ANO4: variants seen among roughly 807,000 people sequenced by gnomAD.
ANO4 encodes anoctamin 4, also known as anoctamin-4.
In ANO4, 69 loss-of-function variants were observed where a neutral mutation model predicts 141.9. The ratio of observed to expected loss-of-function variants is 0.49; its 90% CI spans 0.40 to 0.59. The LOEUF (loss-of-function observed/expected upper bound fraction) is 0.59, where lower values mean the gene tolerates loss of function less well. Among genes scored for constraint, ANO4 ranks in the 20% least tolerant of loss-of-function variants. ANO4 has a pLI of 0.00. For synonymous variants in ANO4, 350 were observed against 394.3 expected (o/e 0.89, Z 1.33); for missense variants, 894 against 1,162.2 (o/e 0.77, Z 3.36).
chr12:101,040,062 T>C lies in ANO4; in HGVS notation c.1005T>C (p.Pro335=), dbSNP rs1475313011. The change falls in exon 11 of 28, where the codon CCT becomes CCC. Residue 335 remains proline (P), a synonymous_variant. Transcript: ENST00000392977. ...ASWGVWYKYQ[P]LDLVRRYFGE... ...GGGGCGTGTGGTATAAATACCAACCTTTGGATCTTGTAAGGTGAGTTTTTA... is the reference window on the plus strand; with the variant it reads ...GGGGCGTGTGGTATAAATACCAACCCTTGGATCTTGTAAGGTGAGTTTTTA... 6.2e-7 allele frequency: 1 copy of C among 1,607,910 alleles called. No individual in the cohort carries two copies. Among genetic ancestry groups the C allele is most frequent in the Non-Finnish European group, 8.5e-7 (1 of 1,175,894 alleles).
chr12:100,725,824 AC>A (rs2031091431), intron 1 of ANO4, among the ~76,000 whole-genome samples: 2 of 152,210 alleles, frequency 1.3e-5, no homozygotes, highest in East Asian at 3.9e-4. Flanking sequence ...AATGCTACTT[AC>A]TTCTTGGGCT....
chr12:100,723,089 A>G (rs1277719170), intron 1 of ANO4, among the ~76,000 whole-genome samples: 3 of 152,218 alleles, frequency 2.0e-5, no homozygotes, highest in Non-Finnish European at 2.9e-5. Flanking sequence ...GCAGCAAAGC[A>G]TGTACAGATT....
At chr12:100,904,330 T>C (rs1273263393) in intron 2 of ANO4, among the ~76,000 whole-genome samples, 1 of 152,198 alleles carries the variant, frequency 6.6e-6, no homozygotes, top group Non-Finnish European at 1.5e-5. Flanking sequence ...CTGTGTAATC[T>C]ATATTATAGT....
chr12:101,037,125 A>G lies in ANO4; in HGVS notation c.872A>G (p.Tyr291Cys), dbSNP rs749076147. The G allele has an allele frequency of 8.7e-6, 14 of 1,613,928 alleles. No individual in the cohort carries two copies. The highest frequency in any genetic ancestry group is 6.7e-5 in the African/African-American group (5 of 74,924). ...AATCGTTTGCTTACCAATGGCTCCT[A>G]TGAAGCTGCGTTTCCCCTGCATGAG... ...GLNRLLTNGS[Y>C]EAAFPLHEGS... Residue 291 changes from tyrosine to cysteine, a missense_variant, in exon 10 of 28, where the codon TAT becomes TGT. This residue lies in a region of ANO4 where 637 missense variants were observed against 909.2 expected (regional missense o/e 0.70). Transcript: ENST00000392977.
At chr12:100,911,861 G>A (rs1204424253) in intron 2 of ANO4, among the ~76,000 whole-genome samples, 1 of 152,100 alleles carries the variant, frequency 6.6e-6, no homozygotes, top group African/African-American at 2.4e-5. Context: ...CAAAAATAAG[G>A]AAAAGATAAA....
intron 2 of ANO4, among the ~76,000 whole-genome samples, chr12:100,921,129 G>A (rs2041613139): frequency 6.6e-6 from 1 of 152,030 alleles, no homozygotes; most frequent in African/African-American, 2.4e-5. Flanking sequence ...TTCAGCCTGA[G>A]AATCTACTTT....
chr12:100,899,918 G>A (rs1223046019), intron 1 of ANO4, among the ~76,000 whole-genome samples: 1 of 152,070 alleles, frequency 6.6e-6, no homozygotes, highest in African/African-American at 2.4e-5. Flanking sequence ...AGACTCAGAG[G>A]CTAATGAACT....
At chr12:100,935,539 T>G (rs1301181372) in intron 3 of ANO4, among the ~76,000 whole-genome samples, 1 of 152,204 alleles carries the variant, frequency 6.6e-6, no homozygotes, top group Non-Finnish European at 1.5e-5. Context: ...AACATTTTTC[T>G]ATTTAGGAGA....
At chr12:100,867,156 AT>A (rs1480484423) in intron 1 of ANO4, among the ~76,000 whole-genome samples, 1 of 152,218 alleles carries the variant, frequency 6.6e-6, no homozygotes, top group Non-Finnish European at 1.5e-5. Flanking sequence ...TGCAATAAAA[AT>A]ATCACTTCTG....
chr12:100,990,528 A>C (rs1222541553), intron 8 of ANO4, among the ~76,000 whole-genome samples: 2 of 152,236 alleles, frequency 1.3e-5, no homozygotes, highest in Non-Finnish European at 1.5e-5. Flanking sequence ...ATGCTTTGGT[A>C]TTAATTTGTC....
At chr12:100,821,627 A>G (rs929456309) in intron 1 of ANO4, among the ~76,000 whole-genome samples, 22 of 151,942 alleles carry the variant, frequency 1.4e-4, no homozygotes, top group South Asian at 1.2e-3. Context: ...ACTGTTCTCA[A>G]TGAGTTTGTC....
intron 5 of ANO4, among the ~76,000 whole-genome samples, chr12:100,957,173 C>A (rs2043204013): frequency 6.6e-6 from 1 of 152,206 alleles, no homozygotes; most frequent in Non-Finnish European, 1.5e-5. Context: ...AAGCACAGCG[C>A]CAACACTTGC....
At chr12:100,737,579 A>C (rs2031670547) in intron 2 of ANO4, among the ~76,000 whole-genome samples, 1 of 152,296 alleles carries the variant, frequency 6.6e-6, no homozygotes, top group East Asian at 1.9e-4. Flanking sequence ...GTGGGGTGGG[A>C]CAGATTCCCA....
intron 12 of ANO4, among the ~76,000 whole-genome samples, chr12:101,042,942 T>G (rs1227102703): frequency 6.6e-6 from 1 of 152,196 alleles, no homozygotes; most frequent in African/African-American, 2.4e-5. Context: ...GTCAAGGTAC[T>G]CACAGAGATC....
At chr12:100,718,570 G>A (rs1222712866) in intron 1 of ANO4, among the ~76,000 whole-genome samples, 1 of 152,138 alleles carries the variant, frequency 6.6e-6, no homozygotes, top group East Asian at 1.9e-4. Context: ...ATTTTACCAA[G>A]GTTAACAGGG....
chr12:100,829,660 C>G (rs1443155561), intron 1 of ANO4, among the ~76,000 whole-genome samples: 3 of 151,986 alleles, frequency 2.0e-5, no homozygotes, highest in Non-Finnish European at 4.4e-5. Context: ...AGGAAGAAAT[C>G]AGTACAAGGT....
chr12:101,116,553 T>G, intron 24 of ANO4, 126 bp from the exon 25 acceptor site: 1 of 1,361,492 alleles, frequency 7.3e-7, no homozygotes, highest in South Asian at 1.3e-5. Context: ...TGAGTCCTGG[T>G]TGACAAGGAA....
chr12:101,019,014 T>C (rs147573764), intron 8 of ANO4, among the ~76,000 whole-genome samples: 6 of 151,752 alleles, frequency 4.0e-5, no homozygotes, highest in African/African-American at 1.5e-4. Flanking sequence ...AAATAAGAAA[T>C]AGCACAAAGG....
chr12:101,041,747 T>C (rs1395061203), intron 11 of ANO4, among the ~76,000 whole-genome samples: 2 of 152,012 alleles, frequency 1.3e-5, no homozygotes, highest in Non-Finnish European at 2.9e-5. Context: ...AGGCCATAAG[T>C]TTTACAGTAA....
Sources: allele counts gnomAD v4.1 joint callset (sites outside exome capture counted in the v4.1 genomes callset), GRCh38; gene constraint gnomAD v4.1.1; regional missense constraint gnomAD v4.1.1; transcripts MANE v1.5; gene names NCBI Gene and HGNC (gene_info 2026-07-23, HGNC 2026-07-21).